Variants in JPH1 observed in about 807,000 individuals in gnomAD.
JPH1 encodes the protein junctophilin 1, also known as junctophilin-1.
Under a neutral mutation model 53.6 loss-of-function variants are expected in JPH1, and 12 were observed. That is an observed-to-expected ratio of 0.22 (90% confidence interval 0.14 to 0.36). The LOEUF (loss-of-function observed/expected upper bound fraction) is 0.36, where lower values mean the gene tolerates loss of function less well. Ranked by LOEUF, JPH1 falls within the 10% of genes least tolerant of loss-of-function variation. The pLI is 1.00. For missense variants in JPH1, 808 were observed against 905.5 expected, an observed-to-expected ratio of 0.89 and a Z score of 1.38; for synonymous variants, 375 against 363.8, an observed-to-expected ratio of 1.03 and a Z score of -0.35.
intron 3 of JPH1, among the ~76,000 whole-genome samples, chr8:74,252,683 T>C (rs1439147399): frequency 6.6e-6 from 1 of 151,760 alleles, no homozygotes; most frequent in African/African-American, 2.4e-5. Flanking sequence ...AGGCTCAAAA[T>C]AAAGGGATGG....
At chr8:74,309,255 G>A (rs1807922067) in intron 2 of JPH1, among the ~76,000 whole-genome samples, 1 of 152,018 alleles carries the variant, frequency 6.6e-6, no homozygotes, top group East Asian at 1.9e-4. Context: ...GCTTAAGTGA[G>A]GCTGGTCAGT....
At chr8:74,297,916 T>G (rs1304907548) in intron 2 of JPH1, among the ~76,000 whole-genome samples, 2 of 152,112 alleles carry the variant, frequency 1.3e-5, no homozygotes, top group Non-Finnish European at 2.9e-5. Flanking sequence ...GAAATTACAT[T>G]TATAACAACA....
At position 74,244,893 on chromosome 8, in the gene JPH1, A is replaced by G; in HGVS notation, c.1541T>C (p.Leu514Ser). The G allele has an allele frequency of 1.2e-6, 2 of 1,614,098 alleles. No individual in the cohort carries two copies. The highest frequency in any genetic ancestry group is 1.7e-6 in the Non-Finnish European group (2 of 1,180,030). The change falls in exon 4 of 6, where the codon TTG becomes TCG. Residue 514 changes from leucine to serine, a missense_variant. Physicochemically the swap from Leu to Ser is moderately radical, Grantham distance 145. Coordinates refer to ENST00000342232, the MANE Select transcript of JPH1 (RefSeq NM_020647.4). Reference sequence around the variant, plus strand: ...CTCCTTCGTGGGAGCCTTTGACATCAAGGGCTTATTGACAATGGCCGTCAC... The same window carrying G: ...CTCCTTCGTGGGAGCCTTTGACATCGAGGGCTTATTGACAATGGCCGTCAC... ...EQVTAIVNKP[L>S]MSKAPTKEAG...
chr8:74,305,401 A>C (rs1338629745), intron 2 of JPH1, among the ~76,000 whole-genome samples: 1 of 152,252 alleles, frequency 6.6e-6, no homozygotes, highest in East Asian at 1.9e-4. Context: ...ATACAGGATA[A>C]AATATGAATG....
At chr8:74,256,532 TAA>T (rs56307957) in intron 3 of JPH1, among the ~76,000 whole-genome samples, 55 of 135,836 alleles carry the variant, frequency 4.0e-4, no homozygotes, top group Non-Finnish European at 4.6e-4. Context: ...CCCTAAAACT[TAA>T]AAAAAAAAAA....
intron 2 of JPH1, among the ~76,000 whole-genome samples, chr8:74,287,165 C>T (rs1156934170): frequency 1.3e-5 from 2 of 152,192 alleles, no homozygotes; most frequent in Admixed American, 6.5e-5. Flanking sequence ...GGCACAGTTG[C>T]TCACACCTGT....
chr8:74,318,717 G>C (rs1400695706), intron 1 of JPH1, among the ~76,000 whole-genome samples: 1 of 152,168 alleles, frequency 6.6e-6, no homozygotes, highest in African/African-American at 2.4e-5. Context: ...GGTGTACAGG[G>C]ATGGACATGT....
rs561233412 is a variant in JPH1 at position 74,296,069 on chromosome 8, C to T, written c.1139+18792G>A. On this transcript the variant is annotated intron_variant, in intron 2 of 5. Coordinates refer to ENST00000342232, the MANE Select transcript of JPH1 (RefSeq NM_020647.4). ...ACGGAGTATTGGGCTAATAGATGAA[C>T]TATCAGAAACCCGATTAAATCTTAG... is the stretch of plus-strand genomic sequence containing the variant. Among the ~76,000 whole-genome samples the T allele has an allele frequency of 1.6e-3, 236 of 145,138 alleles. 2 individuals carry two copies. The highest frequency in any genetic ancestry group is 3.3e-3 in the Admixed American group (49 of 14,860).
chr8:74,249,775 T>G (rs1805984044), intron 3 of JPH1, among the ~76,000 whole-genome samples: 1 of 152,258 alleles, frequency 6.6e-6, no homozygotes, highest in Non-Finnish European at 1.5e-5. Flanking sequence ...GACTATTATG[T>G]AATGGAGCTA....
chr8:74,263,640 C>T (rs768493036), intron 2 of JPH1, among the ~76,000 whole-genome samples: 50 of 152,180 alleles, frequency 3.3e-4, no homozygotes, highest in Admixed American at 3.3e-4. Context: ...CCTACCCAGC[C>T]ATTTCACATG....
intron 2 of JPH1, among the ~76,000 whole-genome samples, chr8:74,265,786 C>T (rs1051264066): frequency 6.6e-6 from 1 of 151,920 alleles, no homozygotes; most frequent in African/African-American, 2.4e-5. Context: ...ACAAAACAAC[C>T]TGATTGAAAA....
chr8:74,279,258 A>T (rs960904960), intron 2 of JPH1, among the ~76,000 whole-genome samples: 1 of 152,154 alleles, frequency 6.6e-6, no homozygotes, highest in African/African-American at 2.4e-5. Flanking sequence ...TATGGATCCA[A>T]TTTCTTTGGG....
intron 3 of JPH1, among the ~76,000 whole-genome samples, chr8:74,247,706 G>C (rs1805897158): frequency 6.6e-6 from 1 of 152,112 alleles, no homozygotes; most frequent in African/African-American, 2.4e-5. Flanking sequence ...AAGACCATGA[G>C]ATTGTAGCTT....
intron 2 of JPH1, among the ~76,000 whole-genome samples, chr8:74,284,182 T>C (rs1016185943): frequency 1.3e-5 from 2 of 152,230 alleles, no homozygotes; most frequent in Admixed American, 6.5e-5. Flanking sequence ...TAAGTATGCT[T>C]ACATGCATAA....
At chr8:74,237,478 G>A (rs1182349765) in intron 4 of JPH1, among the ~76,000 whole-genome samples, 175 bp from the exon 5 acceptor site, 1 of 152,218 alleles carries the variant, frequency 6.6e-6, no homozygotes, top group Non-Finnish European at 1.5e-5. Flanking sequence ...TGTTTAGATG[G>A]AGACATTTCA....
intron 2 of JPH1, among the ~76,000 whole-genome samples, chr8:74,306,781 G>C (rs1248555993): frequency 6.6e-6 from 1 of 151,978 alleles, no homozygotes; most frequent in Non-Finnish European, 1.5e-5. Flanking sequence ...AATTTTAGTA[G>C]AGATGGGGTT....
intron 3 of JPH1, among the ~76,000 whole-genome samples, chr8:74,255,756 G>C (rs1223508223): frequency 1.3e-5 from 2 of 152,156 alleles, no homozygotes; most frequent in Non-Finnish European, 2.9e-5. Context: ...CTTCTCAAAA[G>C]AAGATATTTA....
rs1352223952 is a variant in JPH1 at position 74,315,868 on chromosome 8, A to G, written c.380-248T>C. Among the ~76,000 whole-genome samples the G allele has an allele frequency of 1.3e-5, 2 of 152,246 alleles. No individual in the cohort carries two copies. Among genetic ancestry groups the G allele is most frequent in the African/African-American group, 4.8e-5 (2 of 41,470 alleles). On this transcript the variant is annotated intron_variant, in intron 1 of 5. Coordinates refer to ENST00000342232, the MANE Select transcript of JPH1 (RefSeq NM_020647.4). This position sits in a 1 kb window ranked among gnomAD's most constrained non-coding sequence, Gnocchi z 6.3. ...TTGCTTTTCATTAAAATTTTATGCA[A>G]GTATTTCAGAGGAAAACCACTACTT...
rs1275900976 is a variant in JPH1 at position 74,236,605 on chromosome 8, C to G, written c.*446G>C. 1 of 152,170 alleles carries G rather than the reference C, an allele frequency of 6.6e-6. No individual in the cohort carries two copies. The highest frequency in any genetic ancestry group is 1.5e-5 in the Non-Finnish European group (1 of 68,012). 9.4% of individuals were successfully genotyped at this position (152,170 alleles called of 1,614,324 possible). A position where few individuals can be genotyped will look rare whatever the true frequency, so the allele number is the denominator to read the frequency against. ...TCCTCGGGCAGTCGTTTCCCCAGCT[C>G]CCTACTAAAAACGTCAGATGGTAAA... On this transcript the variant is annotated 3_prime_UTR_variant, in exon 6 of 6. Transcript: ENST00000342232.
Sources: allele counts gnomAD v4.1 joint callset (sites outside exome capture counted in the v4.1 genomes callset), GRCh38; gene constraint gnomAD v4.1.1; non-coding constraint Gnocchi (gnomAD v3.1); transcripts MANE v1.5; gene names NCBI Gene and HGNC (gene_info 2026-07-23, HGNC 2026-07-21).